The following ARHGAP24 variants were observed in gnomAD, a reference collection of about 807,000 sequenced individuals.
ARHGAP24 encodes Rho GTPase activating protein 24.
In ARHGAP24, 50 loss-of-function variants were observed where a neutral mutation model predicts 76.4. That is an observed-to-expected ratio of 0.65 (90% CI 0.52 to 0.83). ARHGAP24 has a LOEUF of 0.83. Among genes scored for constraint, ARHGAP24 ranks in the 40% least tolerant of loss-of-function variants. ARHGAP24 has a pLI of 0.00. For synonymous variants in ARHGAP24, 345 were observed against 323.3 expected, an observed-to-expected ratio of 1.07 and a Z score of -0.72; for missense variants, 930 against 914.2, an observed-to-expected ratio of 1.02 and a Z score of -0.22.
intron 1 of ARHGAP24, among the ~76,000 whole-genome samples, chr4:85,559,578 T>C (rs1419575767): frequency 2.6e-5 from 4 of 152,246 alleles, no homozygotes; most frequent in African/African-American, 9.6e-5. Flanking sequence ...ATTTCTTTTC[T>C]TTGTGACAGT....
At chr4:85,706,208 G>C (rs1724301886) in intron 2 of ARHGAP24, among the ~76,000 whole-genome samples, 1 of 151,936 alleles carries the variant, frequency 6.6e-6, no homozygotes, top group South Asian at 2.1e-4. Flanking sequence ...AAAATTGTTA[G>C]AGAAATTCTT....
rs979225533 is a variant in ARHGAP24 at position 86,000,682 on chromosome 4, C to A, written c.2207C>A (p.Pro736His). Residue 736 changes from proline to histidine, a missense_variant, in exon 10 of 10, where the codon CCC becomes CAC. Pro to His is a moderately conservative substitution (Grantham distance 77, BLOSUM62 -2). Coordinates refer to ENST00000395184, the MANE Select transcript of ARHGAP24 (RefSeq NM_001025616.3). ...FSTFGELTVE[P>H]RRTERGNTIW... ...ACGTTTGGAGAACTGACAGTGGAAC[C>A]CAGGAGAACCGAGAGAGGAAACACA... 6.2e-7 allele frequency: 1 copy of A among 1,613,864 alleles called. No individual in the cohort carries two copies. The highest frequency in any genetic ancestry group is 8.5e-7 in the Non-Finnish European group (1 of 1,179,902).
chr4:85,658,726 C>T (rs1722271220), intron 2 of ARHGAP24, among the ~76,000 whole-genome samples: 1 of 152,168 alleles, frequency 6.6e-6, no homozygotes. Flanking sequence ...ATCACTCAAG[C>T]CATTTTTTCT....
chr4:85,541,180 G>GTCTCGC (rs1261686590), intron 1 of ARHGAP24, among the ~76,000 whole-genome samples: 1 of 80,956 alleles, frequency 1.2e-5, no homozygotes, highest in African/African-American at 1.2e-4. Flanking sequence ...TTGAGACGGA[G>GTCTCGC]TCTCGCTCTG....
Position 85,995,620 on chromosome 4 carries a change from A to T in ARHGAP24, c.1966A>T (p.Thr656Ser), listed in dbSNP as rs2148872112. ...AGTTTCCAGCCTGAAACAGGAAATGACCAAACAGAAGATAGAGTATGAGTC... is the reference window on the plus strand; with the variant it reads ...AGTTTCCAGCCTGAAACAGGAAATGTCCAAACAGAAGATAGAGTATGAGTC... ...SLVSSLKQEMTKQKIEYESRI... is the reference protein window; with the variant it reads ...SLVSSLKQEMSKQKIEYESRI... Residue 656 changes from threonine (T) to serine (S), a missense_variant, in exon 9 of 10, where the codon ACC becomes TCC. Thr to Ser is a moderately conservative substitution (Grantham distance 58). Coordinates refer to ENST00000395184, the MANE Select transcript of ARHGAP24 (RefSeq NM_001025616.3). 1 of 1,613,982 alleles carries T rather than the reference A, an allele frequency of 6.2e-7. No homozygotes were observed.
chr4:85,577,931 AAG>A (rs1188779926), intron 2 of ARHGAP24, among the ~76,000 whole-genome samples: 1 of 152,172 alleles, frequency 6.6e-6, no homozygotes, highest in South Asian at 2.1e-4. Flanking sequence ...AGAGGACAAG[AAG>A]AGAGAGAGAT....
chr4:85,648,040 C>T lies in ARHGAP24; in HGVS notation c.181-73845C>T, dbSNP rs534293652. Among the ~76,000 whole-genome samples the T allele has an allele frequency of 1.3e-3, 197 of 152,150 alleles. 1 individual carries two copies. The highest frequency in any genetic ancestry group is 4.5e-3 in the African/African-American group (188 of 41,524). ...TTTTTATTGAAGAAGTGCATAAATGCGTCTAAGTAAGTCAGCTAATAAAGT... is the reference window on the plus strand; with the variant it reads ...TTTTTATTGAAGAAGTGCATAAATGTGTCTAAGTAAGTCAGCTAATAAAGT... On this transcript the variant is annotated intron_variant, in intron 2 of 9. Coordinates refer to ENST00000395184, the MANE Select transcript of ARHGAP24 (RefSeq NM_001025616.3).
At chr4:85,601,547 G>A (rs534128577) in intron 2 of ARHGAP24, among the ~76,000 whole-genome samples, 8 of 152,136 alleles carry the variant, frequency 5.3e-5, no homozygotes, top group Non-Finnish European at 7.4e-5. Flanking sequence ...TAGATGCTTG[G>A]CAACCCCCAG....
chr4:85,860,097 T>C (rs539127328), intron 3 of ARHGAP24, among the ~76,000 whole-genome samples: 2 of 152,202 alleles, frequency 1.3e-5, no homozygotes, highest in African/African-American at 4.8e-5. Context: ...ATCAGAACAA[T>C]TGATTTTCTT....
chr4:85,664,340 T>G (rs543364634), intron 2 of ARHGAP24, among the ~76,000 whole-genome samples: 53 of 148,418 alleles, frequency 3.6e-4, no homozygotes, highest in African/African-American at 1.3e-3. Flanking sequence ...TTGTATTTCT[T>G]TGGGATTGGT....
chr4:85,984,361 C>A (rs1046024714), intron 8 of ARHGAP24, among the ~76,000 whole-genome samples: 4 of 152,164 alleles, frequency 2.6e-5, no homozygotes, highest in African/African-American at 9.7e-5. Flanking sequence ...GATCAAGGCA[C>A]CAGCAGATAG....
chr4:85,748,613 G>T (rs1726139986), intron 3 of ARHGAP24, among the ~76,000 whole-genome samples: 1 of 152,144 alleles, frequency 6.6e-6, no homozygotes, highest in Admixed American at 6.5e-5. Flanking sequence ...ATATATGAGA[G>T]ACACAGTAAG....
At chr4:85,624,780 C>T (rs1293902598) in intron 2 of ARHGAP24, among the ~76,000 whole-genome samples, 1 of 152,138 alleles carries the variant, frequency 6.6e-6, no homozygotes, top group Admixed American at 6.5e-5. Context: ...AGGGATTCAC[C>T]TTCTTCCTGG....
At chr4:85,989,715 G>T (rs1340459406) in intron 8 of ARHGAP24, among the ~76,000 whole-genome samples, 1 of 151,634 alleles carries the variant, frequency 6.6e-6, no homozygotes, top group Admixed American at 6.6e-5. Flanking sequence ...CAGGAAGACA[G>T]GTTGGTTAGC....
intron 3 of ARHGAP24, among the ~76,000 whole-genome samples, chr4:85,791,957 CT>C (rs1178857630): frequency 6.6e-6 from 1 of 152,052 alleles, no homozygotes; most frequent in Admixed American, 6.6e-5. Context: ...AAGAACTGTG[CT>C]TTTTAGTTAA....
chr4:85,721,944 A>G lies in ARHGAP24; in HGVS notation c.240A>G (p.Pro80=). The change falls in exon 3 of 10, where the codon CCA becomes CCG. Residue 80 remains proline, a synonymous_variant. Coordinates refer to ENST00000395184, the MANE Select transcript of ARHGAP24 (RefSeq NM_001025616.3). ...AGCATCCCTGCAATGAAGAGAACCCAGGGAAGTTCCTTTTTGAAGTAGTTC... is the reference window on the plus strand; with the variant it reads ...AGCATCCCTGCAATGAAGAGAACCCGGGGAAGTTCCTTTTTGAAGTAGTTC... ...VSEHPCNEEN[P]GKFLFEVVPG... is the part of the protein sequence containing the mutation. 1 of 1,613,546 alleles carries G rather than the reference A, an allele frequency of 6.2e-7. No individual in the cohort carries two copies. The highest frequency in any genetic ancestry group is 8.5e-7 in the Non-Finnish European group (1 of 1,179,658).
chr4:85,589,381 A>G (rs559806060), intron 2 of ARHGAP24, among the ~76,000 whole-genome samples: 3 of 152,342 alleles, frequency 2.0e-5, no homozygotes, highest in African/African-American at 7.2e-5. Flanking sequence ...TCATTATTTT[A>G]GCCTTTTAAC....
chr4:85,509,632 G>A (rs1292998160), intron 1 of ARHGAP24, among the ~76,000 whole-genome samples: 1 of 151,890 alleles, frequency 6.6e-6, no homozygotes, highest in African/African-American at 2.4e-5. Context: ...GCTATAACCT[G>A]GTAGCATGTT....
chr4:85,884,319 A>T (rs187922185), intron 3 of ARHGAP24, among the ~76,000 whole-genome samples: 24 of 152,262 alleles, frequency 1.6e-4, no homozygotes, highest in Admixed American at 7.9e-4. Flanking sequence ...AGGGGAAGAA[A>T]CTTTTTGCCT....
Sources: gnomAD v4.1 joint callset for allele counts (sites outside exome capture counted in the v4.1 genomes callset) on GRCh38, gnomAD v4.1.1 for gene constraint, MANE v1.5 for transcripts, NCBI Gene and HGNC (gene_info 2026-07-23, HGNC 2026-07-21) for gene names.